PDE4B: variants seen among roughly 807,000 people sequenced by gnomAD.
PDE4B encodes phosphodiesterase 4B.
A neutral mutation model predicts 82.2 loss-of-function variants in PDE4B; 20 were observed. That is an observed-to-expected ratio of 0.24 (90% confidence interval 0.17 to 0.35). PDE4B has a LOEUF of 0.35. PDE4B is among the 10% of genes least tolerant of loss of function. PDE4B has a pLI of 1.00. For missense variants in PDE4B, 655 were observed against 907.2 expected (o/e 0.72, Z 3.57); for synonymous variants, 320 against 318.9 (o/e 1.00, Z -0.04).
At chr1:66,201,603 T>A in intron 3 of PDE4B, among the ~76,000 whole-genome samples, 1 of 150,504 alleles carries the variant, frequency 6.6e-6, no homozygotes, top group Non-Finnish European at 1.5e-5. Flanking sequence ...AATTTATCCA[T>A]TTCTTCTAGA....
At chr1:66,191,978 G>A (rs1204951692) in intron 3 of PDE4B, among the ~76,000 whole-genome samples, 1 of 152,112 alleles carries the variant, frequency 6.6e-6, no homozygotes, top group Admixed American at 6.5e-5. Context: ...CAACACTTGG[G>A]AATTATGGGA....
chr1:65,869,442 A>G (rs1035932667), intron 1 of PDE4B, among the ~76,000 whole-genome samples: 11 of 152,230 alleles, frequency 7.2e-5, no homozygotes, highest in African/African-American at 2.7e-4. Context: ...TGAAAGGATG[A>G]AACAGCAAGG....
chr1:65,840,477 A>G (rs1382748212), intron 1 of PDE4B, among the ~76,000 whole-genome samples: 1 of 152,210 alleles, frequency 6.6e-6, no homozygotes, highest in Non-Finnish European at 1.5e-5. Context: ...TAACTTTTTA[A>G]AAGTTTGTTT....
intron 3 of PDE4B, among the ~76,000 whole-genome samples, chr1:66,155,070 A>G (rs1358801447): frequency 2.0e-5 from 3 of 152,142 alleles, no homozygotes; most frequent in Non-Finnish European, 4.4e-5. Flanking sequence ...TTGAGTCTGC[A>G]GTGAGCTCTG....
chr1:66,194,638 T>C (rs1424467666), intron 3 of PDE4B, among the ~76,000 whole-genome samples: 2 of 152,136 alleles, frequency 1.3e-5, no homozygotes, highest in Non-Finnish European at 2.9e-5. Context: ...AATTTCGTAC[T>C]CCATGTAACT....
chr1:66,082,741 T>C (rs781089094), intron 3 of PDE4B, among the ~76,000 whole-genome samples: 10 of 152,072 alleles, frequency 6.6e-5, no homozygotes, highest in Admixed American at 1.3e-4. Flanking sequence ...TTTATCCATT[T>C]GATTTGTTTT....
intron 3 of PDE4B, among the ~76,000 whole-genome samples, chr1:66,212,985 G>A (rs1324962937): frequency 6.6e-6 from 1 of 152,180 alleles, no homozygotes; most frequent in East Asian, 1.9e-4. Flanking sequence ...GTCTATGGAG[G>A]TCCACTCTAG....
In PDE4B at chr1:66,144,088, T is replaced by C. The variant is rs184751261; in HGVS notation, c.282-103372T>C. Among the ~76,000 whole-genome samples, 11 of 152,204 alleles carry C rather than the reference T, an allele frequency of 7.2e-5. 1 individual carries two copies. Among genetic ancestry groups the C allele is most frequent in the African/African-American group, 2.6e-4 (11 of 41,522 alleles). On this transcript the variant is annotated intron_variant, in intron 3 of 16. Coordinates refer to ENST00000341517, the MANE Select transcript of PDE4B (RefSeq NM_002600.4). Reference sequence around the variant, plus strand: ...GTTGGCCTGTGGGGAAAAGTGAAAATAGTTGAGCAGAAAAGTTGAATGGAA... The same window carrying C: ...GTTGGCCTGTGGGGAAAAGTGAAAACAGTTGAGCAGAAAAGTTGAATGGAA...
At chr1:65,950,851 C>A (rs1222021345) in intron 3 of PDE4B, among the ~76,000 whole-genome samples, 1 of 152,032 alleles carries the variant, frequency 6.6e-6, no homozygotes, top group Non-Finnish European at 1.5e-5. Flanking sequence ...GGGCAAACAC[C>A]AGCCACATTC....
At chr1:66,090,621 A>ATATATG in intron 3 of PDE4B, among the ~76,000 whole-genome samples, 7 of 122,726 alleles carry the variant, frequency 5.7e-5, no homozygotes, top group South Asian at 2.4e-4. Context: ...TATATAATAT[A>ATATATG]TGTGTGTGTG....
Position 66,086,290 on chromosome 1 carries a change from C to T in PDE4B, c.282-161170C>T, listed in dbSNP as rs114775517. Among the ~76,000 whole-genome samples, 733 of 152,236 alleles carry T rather than the reference C, an allele frequency of 4.8e-3. 4 individuals are homozygous for T. The highest frequency in any genetic ancestry group is 0.016 in the African/African-American group (685 of 41,540). ...AGCTCTCAAGGGAAGCACTTTCCTT[C>T]GTGCTAATTTAAAATTCCTCGAAGA... On this transcript the variant is annotated intron_variant, in intron 3 of 16. Coordinates refer to ENST00000341517, the MANE Select transcript of PDE4B (RefSeq NM_002600.4).
intron 3 of PDE4B, among the ~76,000 whole-genome samples, chr1:66,187,485 C>G (rs1343760207): frequency 6.6e-6 from 1 of 152,068 alleles, no homozygotes; most frequent in African/African-American, 2.4e-5. Context: ...GGTTGGTAAG[C>G]TATTGATTAT....
At chr1:66,207,079 A>G (rs1430976381) in intron 3 of PDE4B, among the ~76,000 whole-genome samples, 1 of 152,220 alleles carries the variant, frequency 6.6e-6, no homozygotes, top group Non-Finnish European at 1.5e-5. Flanking sequence ...AATGGAACTG[A>G]CTAAATAAGC....
At chr1:66,353,463 C>T (rs892046761) in intron 8 of PDE4B, among the ~76,000 whole-genome samples, 1 of 152,160 alleles carries the variant, frequency 6.6e-6, no homozygotes, top group African/African-American at 2.4e-5. Context: ...GATGCGGATG[C>T]TCATTTGAAA....
chr1:66,266,438 G>A (rs964077800), intron 7 of PDE4B, among the ~76,000 whole-genome samples: 1 of 152,148 alleles, frequency 6.6e-6, no homozygotes, highest in African/African-American at 2.4e-5. Context: ...AGCTAACATC[G>A]AAGACCTAAG....
intron 1 of PDE4B, among the ~76,000 whole-genome samples, chr1:65,907,063 A>T (rs914327050): frequency 6.6e-6 from 1 of 152,148 alleles, no homozygotes; most frequent in Non-Finnish European, 1.5e-5. Flanking sequence ...CAACTTTACA[A>T]ATAAAATGAC....
chr1:65,924,882 G>A (rs1472908556), intron 3 of PDE4B, among the ~76,000 whole-genome samples: 2 of 152,234 alleles, frequency 1.3e-5, no homozygotes. Context: ...GAGACCAATA[G>A]AGACTGAGCA....
At chr1:66,322,284 A>G (rs1659458840) in intron 7 of PDE4B, among the ~76,000 whole-genome samples, 1 of 152,220 alleles carries the variant, frequency 6.6e-6, no homozygotes, top group South Asian at 2.1e-4. Flanking sequence ...AAACACCAAA[A>G]GCAATGGCAA....
intron 3 of PDE4B, among the ~76,000 whole-genome samples, chr1:66,190,444 G>A (rs1208565061): frequency 6.6e-6 from 1 of 152,214 alleles, no homozygotes; most frequent in East Asian, 1.9e-4. Context: ...GGAGTCTACA[G>A]AGGCAGGCAG....
Sources: allele counts gnomAD v4.1 joint callset (sites outside exome capture counted in the v4.1 genomes callset), GRCh38; gene constraint gnomAD v4.1.1; transcripts MANE v1.5; gene names NCBI Gene and HGNC (gene_info 2026-07-23, HGNC 2026-07-21).